The following MED9 variants were observed in gnomAD, a reference collection of about 807,000 sequenced individuals.
MED9 encodes the protein mediator of RNA polymerase II transcription subunit 9.
In MED9, 8 loss-of-function variants were observed where a neutral mutation model predicts 13.2. That is an observed-to-expected ratio of 0.61 (90% CI 0.36 to 1.10). MED9 has a LOEUF of 1.10. MED9 is among the 50% of genes least tolerant of loss of function. The pLI is 0.02. For missense variants in MED9, 180 were observed against 193.4 expected (o/e 0.93, Z 0.41); for synonymous variants, 87 against 82.8 (o/e 1.05, Z -0.28).
rs1055111975 is a variant in MED9 at position 17,483,238 on chromosome 17, T to A, written c.224+5973T>A. Among the ~76,000 whole-genome samples the A allele has an allele frequency of 7.9e-5, 12 of 152,260 alleles. No individual in the cohort carries two copies. The highest frequency in any genetic ancestry group is 2.4e-4 in the African/African-American group (10 of 41,472). ...TTGCCTTTATGCTTATTTTATCTTG[T>A]GAATGTTATTTGGCTAATTTTTCTT... is the stretch of plus-strand genomic sequence containing the variant. On this transcript the variant is annotated intron_variant, in intron 1 of 1. Coordinates refer to ENST00000268711, the MANE Select transcript of MED9 (RefSeq NM_018019.3). The surrounding 1 kb of genome is among the most constrained non-coding windows in gnomAD (Gnocchi z 4.2).
intron 1 of MED9, 67 bp downstream of exon 1, chr17:17,477,332 T>G: frequency 6.8e-7 from 1 of 1,475,548 alleles, no homozygotes; most frequent in South Asian, 1.4e-5. Context: ...GTTTCAGAGC[T>G]GCAAGAGGCC....
rs1338435408 is a variant in MED9 at position 17,493,041 on chromosome 17, C to A, written c.*1546C>A. 6.6e-6 allele frequency: 1 copy of A among 152,184 alleles called. No individual in the cohort carries two copies. The highest frequency in any genetic ancestry group is 1.5e-5 in the Non-Finnish European group (1 of 68,030). The allele number at this position is 152,184 out of a possible 1,614,324, so 9.4% of individuals were successfully genotyped here. ...GCCTGTTTTAAGGCTCTGACAGATA[C>A]CACGAAACATGAAGCACGTGGAACT... On this transcript the variant is annotated 3_prime_UTR_variant, in exon 2 of 2. Transcript: ENST00000268711.
intron 1 of MED9, chr17:17,488,063 A>G (rs570239067): frequency 6.6e-6 from 1 of 152,324 alleles, no homozygotes; most frequent in East Asian, 1.9e-4. Context: ...TTTTCCCTCA[A>G]GTACCTATTA....
chr17:17,481,782 A>C (rs138534643), intron 1 of MED9, among the ~76,000 whole-genome samples: 1,741 of 152,340 alleles, frequency 0.011, 35 homozygotes, highest in African/African-American at 0.039. Context: ...TGTAGGAGTA[A>C]GTTTATGATC....
Position 17,477,121 on chromosome 17 carries a change from C to G in MED9, c.80C>G (p.Thr27Ser), listed in dbSNP as rs1904935918. The change falls in exon 1 of 2, where the codon ACC (threonine) becomes AGC (serine). Residue 27 changes from threonine (T) to serine (S), a missense_variant. Physicochemically the swap from Thr to Ser is moderately conservative, Grantham distance 58. Coordinates refer to ENST00000268711, the MANE Select transcript of MED9 (RefSeq NM_018019.3). ...PPTSDQPLPD[T>S]KPLPPPQPPP... ...ACGTCCGACCAGCCGCTGCCTGACA[C>G]CAAGCCGCTGCCGCCTCCTCAGCCG... 1 of 1,606,934 alleles carries G rather than the reference C, an allele frequency of 6.2e-7. No homozygotes were observed.
intron 1 of MED9, among the ~76,000 whole-genome samples, chr17:17,481,643 A>G (rs1176109202): frequency 6.6e-6 from 1 of 152,196 alleles, no homozygotes; most frequent in Non-Finnish European, 1.5e-5. Flanking sequence ...CTACCTCATT[A>G]AGGCAGCTGC....
intron 1 of MED9, among the ~76,000 whole-genome samples, chr17:17,481,699 T>G (rs915862089): frequency 8.5e-5 from 13 of 152,236 alleles, no homozygotes; most frequent in African/African-American, 3.1e-4. Flanking sequence ...GGAACTGGTT[T>G]TCTGTTGATG....
chr17:17,487,966 ACAC>A (rs1905167025), intron 1 of MED9: 1 of 152,280 alleles, frequency 6.6e-6, no homozygotes, highest in Non-Finnish European at 1.5e-5. Context: ...GAAACAGTGG[ACAC>A]CACATGTTAG....
intron 1 of MED9, among the ~76,000 whole-genome samples, chr17:17,482,443 T>C (rs1905047461): frequency 6.6e-6 from 1 of 152,270 alleles, no homozygotes; most frequent in Non-Finnish European, 1.5e-5. Flanking sequence ...CGATTTTATA[T>C]GTCACTTTTA....
chr17:17,481,664 A>G (rs1369386641), intron 1 of MED9, among the ~76,000 whole-genome samples: 1 of 152,192 alleles, frequency 6.6e-6, no homozygotes, highest in Non-Finnish European at 1.5e-5. Flanking sequence ...AGAAAATTGC[A>G]TCTTGTGGAT....
Position 17,491,939 on chromosome 17 carries a change from C to T in MED9, c.*444C>T, listed in dbSNP as rs1160331981. 2 of 205,906 alleles carry T rather than the reference C, an allele frequency of 9.7e-6. No individual in the cohort carries two copies. The highest frequency in any genetic ancestry group is 1.0e-4 in the Admixed American group (2 of 19,140). 12.8% of individuals were successfully genotyped at this position (205,906 alleles called of 1,614,324 possible). A position where few individuals can be genotyped will look rare whatever the true frequency, so the allele number is the denominator to read the frequency against. On this transcript the variant is annotated 3_prime_UTR_variant, in exon 2 of 2. Coordinates refer to ENST00000268711, the MANE Select transcript of MED9 (RefSeq NM_018019.3). ...CAGTGTGTACCAGGTACACATTGTT[C>T]CTGTTAACAGCAGCTTCTTGAAACA... is the stretch of plus-strand genomic sequence containing the variant.
At chr17:17,489,009 C>CTT (rs1905186580) in intron 1 of MED9, among the ~76,000 whole-genome samples, 1 of 152,210 alleles carries the variant, frequency 6.6e-6, no homozygotes, top group Non-Finnish European at 1.5e-5. Context: ...GAGCTTTCTG[C>CTT]TTTTATTCAC....
At chr17:17,485,887 G>A (rs1402258106) in intron 1 of MED9, 1 of 152,276 alleles carries the variant, frequency 6.6e-6, no homozygotes, top group African/African-American at 2.4e-5. Flanking sequence ...AATGCTGTTA[G>A]CAGATGAAAG....
At chr17:17,481,407 T>G (rs1294962285) in intron 1 of MED9, among the ~76,000 whole-genome samples, 1 of 152,186 alleles carries the variant, frequency 6.6e-6, no homozygotes, top group Non-Finnish European at 1.5e-5. Context: ...TTAATAAAAG[T>G]AACAACTGCA....
chr17:17,481,030 T>G (rs1905024771), intron 1 of MED9, among the ~76,000 whole-genome samples: 1 of 152,168 alleles, frequency 6.6e-6, no homozygotes, highest in Non-Finnish European at 1.5e-5. Context: ...CATCTACTCA[T>G]GGGAGTCAGC....
At chr17:17,480,515 G>A (rs1202340012) in intron 1 of MED9, among the ~76,000 whole-genome samples, 2 of 152,156 alleles carry the variant, frequency 1.3e-5, no homozygotes, top group Non-Finnish European at 2.9e-5. Context: ...GGTCAGGCGC[G>A]GTGCCTCATG....
intron 1 of MED9, among the ~76,000 whole-genome samples, chr17:17,489,751 TG>T (rs1263283425): frequency 2.6e-5 from 4 of 152,224 alleles, no homozygotes; most frequent in Non-Finnish European, 2.9e-5. Context: ...GTCTCTCAGT[TG>T]AGGGCATCAT....
At chr17:17,481,004 C>T (rs754687787) in intron 1 of MED9, among the ~76,000 whole-genome samples, 6 of 152,140 alleles carry the variant, frequency 3.9e-5, no homozygotes, top group Admixed American at 1.3e-4. Context: ...TGTAAGGACA[C>T]GAAGCCAAGA....
At chr17:17,484,272 G>C (rs1905084290) in intron 1 of MED9, among the ~76,000 whole-genome samples, 1 of 152,202 alleles carries the variant, frequency 6.6e-6, no homozygotes, top group South Asian at 2.1e-4. Flanking sequence ...TAAATTCAAT[G>C]TTTTAATTCT....
Sources: allele counts gnomAD v4.1 joint callset (sites outside exome capture counted in the v4.1 genomes callset), GRCh38; gene constraint gnomAD v4.1.1; non-coding constraint Gnocchi (gnomAD v3.1); transcripts MANE v1.5; gene names NCBI Gene and HGNC (gene_info 2026-07-23, HGNC 2026-07-21).